GPC6: variants seen among roughly 807,000 people sequenced by gnomAD.
GPC6 encodes the protein glypican 6, also known as glypican-6.
A neutral mutation model predicts 55.2 loss-of-function variants in GPC6; 14 were observed. That is an observed-to-expected ratio of 0.25 (90% confidence interval 0.17 to 0.40). GPC6 has a LOEUF of 0.40. Among genes scored for constraint, GPC6 ranks in the 10% least tolerant of loss-of-function variants. The pLI is 1.00. For synonymous variants in GPC6, 278 were observed against 259.6 expected, an observed-to-expected ratio of 1.07 and a Z score of -0.68; for missense variants, 641 against 708.5, an observed-to-expected ratio of 0.90 and a Z score of 1.08.
At chr13:94,025,854 T>C (rs780380197) in intron 3 of GPC6, among the ~76,000 whole-genome samples, 1 of 152,208 alleles carries the variant, frequency 6.6e-6, no homozygotes, top group Non-Finnish European at 1.5e-5. Flanking sequence ...GTTGATCATG[T>C]TGATTCTATT....
intron 3 of GPC6, among the ~76,000 whole-genome samples, chr13:93,979,314 TG>T (rs1566631961): frequency 1.8e-4 from 27 of 148,874 alleles, no homozygotes; most frequent in African/African-American, 6.3e-4. Flanking sequence ...TGTGTGTGTG[TG>T]TGTTTGTGTG....
chr13:93,443,548 G>C (rs1007519017), intron 1 of GPC6, among the ~76,000 whole-genome samples: 16 of 152,184 alleles, frequency 1.1e-4, no homozygotes, highest in Admixed American at 1.0e-3. Flanking sequence ...CATAGCCCTT[G>C]AGAAGACCAG....
chr13:93,748,150 A>G (rs1189403654), intron 2 of GPC6, among the ~76,000 whole-genome samples: 1 of 152,136 alleles, frequency 6.6e-6, no homozygotes, highest in Non-Finnish European at 1.5e-5. Context: ...GCTCAATATT[A>G]CCAACGATAC....
chr13:93,824,946 G>A (rs1248852744), intron 2 of GPC6, among the ~76,000 whole-genome samples: 2 of 151,962 alleles, frequency 1.3e-5, no homozygotes, highest in African/African-American at 2.4e-5. Flanking sequence ...ATTGACTACC[G>A]AGAATCTTAC....
chr13:94,107,011 C>G (rs565115750), intron 4 of GPC6, among the ~76,000 whole-genome samples: 1 of 152,200 alleles, frequency 6.6e-6, no homozygotes, highest in Admixed American at 6.5e-5. Context: ...TTCAGCCGGA[C>G]TAAGGGTGAG....
At chr13:94,161,482 G>A (rs753087619) in intron 4 of GPC6, among the ~76,000 whole-genome samples, 3 of 152,116 alleles carry the variant, frequency 2.0e-5, no homozygotes, top group African/African-American at 4.8e-5. Context: ...TGTCTTATTA[G>A]CATGTTGACA....
At chr13:94,172,884 C>T (rs1291972618) in intron 4 of GPC6, among the ~76,000 whole-genome samples, 1 of 152,152 alleles carries the variant, frequency 6.6e-6, no homozygotes, top group Non-Finnish European at 1.5e-5. Flanking sequence ...TAGACACTGC[C>T]AATGACTGTT....
chr13:93,383,330 G>A (rs1028835141), intron 1 of GPC6, among the ~76,000 whole-genome samples: 2 of 152,128 alleles, frequency 1.3e-5, no homozygotes, highest in Non-Finnish European at 2.9e-5. Context: ...TTTCACCTCA[G>A]TCTCCGGAGT....
At chr13:94,070,811 C>G (rs1184574514) in intron 4 of GPC6, among the ~76,000 whole-genome samples, 5 of 152,194 alleles carry the variant, frequency 3.3e-5, no homozygotes, top group East Asian at 1.9e-4. Flanking sequence ...CTGGGTGATT[C>G]TGCAGGAATT....
intron 6 of GPC6, among the ~76,000 whole-genome samples, chr13:94,370,301 A>G (rs1879481343): frequency 6.6e-6 from 1 of 152,230 alleles, no homozygotes; most frequent in Admixed American, 6.5e-5. Flanking sequence ...TTGAGAAGGA[A>G]TATGGTGGTG....
intron 2 of GPC6, among the ~76,000 whole-genome samples, chr13:93,581,622 G>A (rs1320611906): frequency 2.0e-5 from 3 of 152,136 alleles, no homozygotes; most frequent in Non-Finnish European, 2.9e-5. Context: ...TGGGAGAATC[G>A]CTTGAGCTAG....
chr13:93,444,557 A>T (rs1175025842), intron 1 of GPC6, among the ~76,000 whole-genome samples: 1 of 152,182 alleles, frequency 6.6e-6, no homozygotes, highest in Non-Finnish European at 1.5e-5. Context: ...CAGTAAGCTG[A>T]GATCGCGCCA....
chr13:93,254,706 A>G (rs1402105195), intron 1 of GPC6, among the ~76,000 whole-genome samples: 1 of 152,052 alleles, frequency 6.6e-6, no homozygotes, highest in African/African-American at 2.4e-5. Context: ...CTGGAATTAT[A>G]TAAAAAAAAA....
intron 1 of GPC6, among the ~76,000 whole-genome samples, chr13:93,345,283 C>T (rs1297730828): frequency 6.6e-6 from 1 of 152,040 alleles, no homozygotes; most frequent in East Asian, 1.9e-4. Context: ...AACTGTTTCA[C>T]AGGGTTGTTA....
chr13:94,242,513 G>C (rs1891084987), intron 4 of GPC6, among the ~76,000 whole-genome samples: 1 of 152,084 alleles, frequency 6.6e-6, no homozygotes, highest in African/African-American at 2.4e-5. Flanking sequence ...ATCAGTGATA[G>C]ACTGGATTAA....
intron 2 of GPC6, among the ~76,000 whole-genome samples, chr13:93,671,662 G>A (rs1046583980): frequency 2.6e-5 from 4 of 151,856 alleles, no homozygotes; most frequent in Non-Finnish European, 5.9e-5. Flanking sequence ...CCTAAGGATG[G>A]CCCACAGCCC....
chr13:93,466,479 G>C (rs948586559), intron 1 of GPC6, among the ~76,000 whole-genome samples: 3 of 152,180 alleles, frequency 2.0e-5, no homozygotes, highest in African/African-American at 7.2e-5. Flanking sequence ...TTGATATGTG[G>C]TAATGGTCAG....
chr13:94,177,106 A>G lies in GPC6; in HGVS notation c.878-109243A>G, dbSNP rs928227029. Among the ~76,000 whole-genome samples the G allele has an allele frequency of 4.6e-5, 7 of 152,228 alleles. No individual in the cohort carries two copies. The South Asian group carries it at 1.0e-3, about 23-fold the overall frequency. ...ATTTGCCTTGAGGAAGAAGTTATCA[A>G]TTCTGTATCCTATTTAACTCAATCA... On this transcript the variant is annotated intron_variant, in intron 4 of 8. Coordinates refer to ENST00000377047, the MANE Select transcript of GPC6 (RefSeq NM_005708.5).
intron 5 of GPC6, among the ~76,000 whole-genome samples, chr13:94,298,694 G>T (rs1027659409): frequency 1.3e-5 from 2 of 152,180 alleles, no homozygotes; most frequent in African/African-American, 4.8e-5. Flanking sequence ...TTTGGGTCTC[G>T]TTATCACTTT....
Sources: allele counts gnomAD v4.1 joint callset (sites outside exome capture counted in the v4.1 genomes callset), GRCh38; gene constraint gnomAD v4.1.1; transcripts MANE v1.5; gene names NCBI Gene and HGNC (gene_info 2026-07-23, HGNC 2026-07-21).